Variants in CDKAL1 observed in about 807,000 individuals in gnomAD.
The protein encoded by CDKAL1 is threonylcarbamoyladenosine tRNA methylthiotransferase.
CDKAL1 carries 32 observed loss-of-function variants against 68.2 expected under a neutral mutation model. The ratio of observed to expected loss-of-function variants is 0.47; its 90% CI spans 0.35 to 0.63. The LOEUF (loss-of-function observed/expected upper bound fraction) is 0.63. Ranked by LOEUF, CDKAL1 falls within the 30% of genes least tolerant of loss-of-function variation. CDKAL1 has a pLI of 0.00. For missense variants in CDKAL1, 606 were observed against 696.7 expected, an observed-to-expected ratio of 0.87 and a Z score of 1.47; for synonymous variants, 234 against 244.3, an observed-to-expected ratio of 0.96 and a Z score of 0.39.
At chr6:20,948,501 C>T (rs1399505326) in intron 9 of CDKAL1, among the ~76,000 whole-genome samples, 2 of 152,126 alleles carry the variant, frequency 1.3e-5, no homozygotes, top group Non-Finnish European at 2.9e-5. Context: ...GTCTTGAAAT[C>T]TCGATAAGTT....
intron 13 of CDKAL1, among the ~76,000 whole-genome samples, chr6:21,160,656 C>T (rs10080292): frequency 0.25 from 32,178 of 127,782 alleles, 4,316 homozygotes; most frequent in African/African-American, 0.31. Context: ...CACACACACA[C>T]GTGTGTGTGT....
At chr6:20,861,170 A>T (rs1287040826) in intron 9 of CDKAL1, among the ~76,000 whole-genome samples, 1 of 152,208 alleles carries the variant, frequency 6.6e-6, no homozygotes, top group Non-Finnish European at 1.5e-5. Flanking sequence ...CTCAGAAATA[A>T]CAGTGGATCC....
intron 4 of CDKAL1, among the ~76,000 whole-genome samples, chr6:20,614,699 A>G (rs1766804714): frequency 6.6e-6 from 1 of 152,182 alleles, no homozygotes; most frequent in South Asian, 2.1e-4. Context: ...AAGCAATCCC[A>G]GATAACATGT....
chr6:20,900,454 G>A (rs528750432), intron 9 of CDKAL1, among the ~76,000 whole-genome samples: 222 of 152,304 alleles, frequency 1.5e-3, no homozygotes, highest in Non-Finnish European at 2.8e-3. Flanking sequence ...TCACATGGCC[G>A]TGTTCTGATG....
intron 13 of CDKAL1, among the ~76,000 whole-genome samples, chr6:21,124,336 A>T (rs1774879187): frequency 6.6e-6 from 1 of 151,820 alleles, no homozygotes; most frequent in African/African-American, 2.4e-5. Flanking sequence ...TGTCTCTCTG[A>T]TGTTGCTGCT....
At chr6:20,988,216 G>GTGTGTGTGTA (rs1226354759) in intron 10 of CDKAL1, among the ~76,000 whole-genome samples, 3 of 151,154 alleles carry the variant, frequency 2.0e-5, no homozygotes, top group Non-Finnish European at 2.9e-5. Context: ...GTGTGTGTGT[G>GTGTGTGTGTA]TGTAGTGAGG....
At chr6:20,683,322 A>C (rs1357449775) in intron 5 of CDKAL1, among the ~76,000 whole-genome samples, 1 of 152,204 alleles carries the variant, frequency 6.6e-6, no homozygotes, top group African/African-American at 2.4e-5. Context: ...AGAAGATGTT[A>C]AAAAGTAACC....
chr6:20,989,121 G>C (rs1003924504), intron 10 of CDKAL1, among the ~76,000 whole-genome samples: 1 of 151,432 alleles, frequency 6.6e-6, no homozygotes, highest in Admixed American at 6.6e-5. Flanking sequence ...ACAGTAATAC[G>C]GTTTACCGCA....
Position 20,642,200 on chromosome 6 carries a change from G to A in CDKAL1, c.287-7093G>A, listed in dbSNP as rs114314080. Reference sequence around the variant, plus strand: ...ATGGGTGAATTACTTAGTAATTTGGGAATAGAGGAAGTGTTCTAATAATGA... The same window carrying A: ...ATGGGTGAATTACTTAGTAATTTGGAAATAGAGGAAGTGTTCTAATAATGA... On this transcript the variant is annotated intron_variant, in intron 4 of 15. Coordinates refer to ENST00000274695, the MANE Select transcript of CDKAL1 (RefSeq NM_017774.3). 4.8e-3 allele frequency among the ~76,000 whole-genome samples: 723 copies of A among 152,120 alleles called. 2 individuals carry two copies. Among genetic ancestry groups the A allele is most frequent in the Middle Eastern group, 0.027 (8 of 292 alleles).
intron 13 of CDKAL1, among the ~76,000 whole-genome samples, chr6:21,145,002 G>A (rs1470371709): frequency 6.6e-6 from 1 of 152,128 alleles, no homozygotes; most frequent in African/African-American, 2.4e-5. Context: ...AATAAGTTCT[G>A]CTTTGCTAGG....
chr6:20,627,318 A>G lies in CDKAL1; in HGVS notation c.287-21975A>G, dbSNP rs1287494446. Among the ~76,000 whole-genome samples the G allele has an allele frequency of 2.0e-5, 3 of 152,160 alleles. No homozygotes were observed. In the East Asian group the frequency reaches 5.8e-4, roughly 29 times the overall value. ...TAAATCTTTTCCTTTAGAAAAGGGG[A>G]GAATTAGAAACTCAAAATAGTCATT... On this transcript the variant is annotated intron_variant, in intron 4 of 15. Coordinates refer to ENST00000274695, the MANE Select transcript of CDKAL1 (RefSeq NM_017774.3).
At chr6:21,138,200 C>T (rs969303380) in intron 13 of CDKAL1, among the ~76,000 whole-genome samples, 1 of 150,604 alleles carries the variant, frequency 6.6e-6, no homozygotes, top group African/African-American at 2.5e-5. Context: ...ATGACTCAGC[C>T]ATAATAACCC....
chr6:21,054,007 A>T (rs1582104980), intron 11 of CDKAL1, among the ~76,000 whole-genome samples: 1 of 152,136 alleles, frequency 6.6e-6, no homozygotes, highest in African/African-American at 2.4e-5. Flanking sequence ...TGTTGGCACT[A>T]TCGCTAAGAA....
At chr6:20,974,903 C>T (rs967694641) in intron 10 of CDKAL1, among the ~76,000 whole-genome samples, 8 of 146,566 alleles carry the variant, frequency 5.5e-5, no homozygotes, top group African/African-American at 1.8e-4. Context: ...CACTTGAGCC[C>T]AGGAGGCAGA....
intron 13 of CDKAL1, among the ~76,000 whole-genome samples, chr6:21,164,269 T>TAC (rs746928591): frequency 1.9e-4 from 29 of 152,180 alleles, no homozygotes; most frequent in South Asian, 4.1e-4. Flanking sequence ...GAATGAAAAG[T>TAC]ACACAACCTT....
At chr6:20,803,670 C>CT (rs1332820085) in intron 8 of CDKAL1, among the ~76,000 whole-genome samples, 1 of 152,068 alleles carries the variant, frequency 6.6e-6, no homozygotes, top group Non-Finnish European at 1.5e-5. Context: ...AAGATAGTAT[C>CT]TTTTAAGAAG....
At chr6:21,224,485 G>T (rs1299621982) in intron 15 of CDKAL1, among the ~76,000 whole-genome samples, 1 of 152,112 alleles carries the variant, frequency 6.6e-6, no homozygotes, top group Non-Finnish European at 1.5e-5. Flanking sequence ...CTGTACTCCA[G>T]CCTGGGTGAC....
chr6:21,168,277 T>C (rs1427302008), intron 13 of CDKAL1, among the ~76,000 whole-genome samples: 1 of 152,202 alleles, frequency 6.6e-6, no homozygotes, highest in Non-Finnish European at 1.5e-5. Context: ...CCAAAGCAGA[T>C]AACATCCAGG....
At chr6:21,034,857 C>T (rs997681910) in intron 11 of CDKAL1, among the ~76,000 whole-genome samples, 2 of 152,148 alleles carry the variant, frequency 1.3e-5, no homozygotes, top group African/African-American at 4.8e-5. Context: ...GAACAATTCA[C>T]ATTTGACATT....
Sources: gnomAD v4.1 joint callset for allele counts (sites outside exome capture counted in the v4.1 genomes callset) on GRCh38, gnomAD v4.1.1 for gene constraint, MANE v1.5 for transcripts, NCBI Gene and HGNC (gene_info 2026-07-23, HGNC 2026-07-21) for gene names.